GLB1L3: variants seen among roughly 807,000 people sequenced by gnomAD.
GLB1L3 encodes beta-galactosidase-1-like protein 3.
GLB1L3 carries 89 observed loss-of-function variants against 89.5 expected under a neutral mutation model. The observed-to-expected ratio is 0.99, with a 90% CI of 0.84 to 1.19. The LOEUF is 1.19. GLB1L3 is among the 50% of genes most tolerant of loss of function. GLB1L3 has a pLI of 0.00. For synonymous variants in GLB1L3, 314 were observed against 312.3 expected, an observed-to-expected ratio of 1.01 and a Z score of -0.06; for missense variants, 812 against 813.3, an observed-to-expected ratio of 1.00 and a Z score of 0.02.
intron 12 of GLB1L3, 128 bp from the exon 13 acceptor site, chr11:134,310,936 C>G: frequency 1.4e-6 from 1 of 717,794 alleles, no homozygotes; most frequent in South Asian, 1.7e-5. Context: ...TTGTAAAGCT[C>G]TTATACCATG....
intron 11 of GLB1L3, 143 bp downstream of exon 11, chr11:134,309,906 C>G (rs1478610230): frequency 1.1e-6 from 1 of 912,644 alleles, no homozygotes; most frequent in Non-Finnish European, 1.6e-6. Flanking sequence ...ATCTACTTTC[C>G]TTCCTTCTGT....
In GLB1L3 at chr11:134,292,201, C is replaced by T; in HGVS notation, c.799C>T (p.His267Tyr). Residue 267 changes from histidine to tyrosine, a missense_variant, in exon 8 of 20, where the codon CAC (histidine) becomes TAC (tyrosine). His to Tyr is a moderately conservative substitution (Grantham distance 83). Transcript: ENST00000431683. Reference sequence around the variant, plus strand: ...TGGTGAGAAACATGTGCTGAGTGGCCACACCAAAGGAGGTACACATTTAGA... The same window carrying T: ...TGGTGAGAAACATGTGCTGAGTGGCTACACCAAAGGAGGTACACATTTAGA... ...SDGEKHVLSGHTKGVLAAINL... is the reference protein window; with the variant it reads ...SDGEKHVLSGYTKGVLAAINL... The T allele has an allele frequency of 4.3e-6, 7 of 1,612,100 alleles. No homozygotes were observed. Among genetic ancestry groups the T allele is most frequent in the Non-Finnish European group, 5.9e-6 (7 of 1,178,454 alleles).
chr11:134,324,183 A>G (rs1239008614), downstream of GLB1L3, among the ~76,000 whole-genome samples: 5 of 152,204 alleles, frequency 3.3e-5, no homozygotes, highest in South Asian at 2.1e-4. Flanking sequence ...TCGTTAATCT[A>G]CCATACCAAA....
At chr11:134,289,082 A>G (rs988850367) in intron 7 of GLB1L3, 192 bp downstream of exon 7, 7 of 508,360 alleles carry the variant, frequency 1.4e-5, no homozygotes, top group African/African-American at 3.9e-5. Context: ...GACTCCCTCA[A>G]AATTTAGTCA....
chr11:134,307,302 T>A, intron 10 of GLB1L3, 94 bp downstream of exon 10: 2 of 921,286 alleles, frequency 2.2e-6, no homozygotes, highest in South Asian at 1.5e-5. Context: ...ATTCACTTGA[T>A]CAGCCGTAGA....
intron 7 of GLB1L3, among the ~76,000 whole-genome samples, chr11:134,289,419 G>A (rs1204218739): frequency 1.3e-5 from 2 of 151,982 alleles, no homozygotes; most frequent in African/African-American, 4.8e-5. Context: ...ATTGTAACTC[G>A]TATTGAAAAA....
chr11:134,293,450 G>A (rs1007836162), intron 9 of GLB1L3, among the ~76,000 whole-genome samples: 5 of 152,096 alleles, frequency 3.3e-5, no homozygotes, highest in Non-Finnish European at 5.9e-5. Context: ...GGCGAGGGGT[G>A]GTGGGAATCA....
intron 9 of GLB1L3, among the ~76,000 whole-genome samples, chr11:134,300,957 G>A (rs117392808): frequency 0.027 from 4,123 of 152,226 alleles, 78 homozygotes; most frequent in Middle Eastern, 0.065. Context: ...AGACTTGCCC[G>A]GGATTCTCCC....
intron 7 of GLB1L3, 55 bp downstream of exon 7, chr11:134,288,945 G>A (rs1941183240): frequency 3.3e-6 from 4 of 1,228,170 alleles, no homozygotes; most frequent in African/African-American, 1.5e-5. Context: ...TCCTCTGTGC[G>A]TTTCTGATTC....
Position 134,294,919 on chromosome 11 carries a change from G to A in GLB1L3, c.876+1710G>A, listed in dbSNP as rs1265767944. Among the ~76,000 whole-genome samples, 3 of 152,210 alleles carry A rather than the reference G, an allele frequency of 2.0e-5. No homozygotes were observed. The East Asian group carries it at 5.8e-4, about 29-fold the overall frequency. On this transcript the variant is annotated intron_variant, in intron 9 of 19. Transcript: ENST00000431683. ...CGTCCTGCTTTAGTGTGTTAATACA[G>A]TGACTGTGGTTTTTGCATGTTGAAC...
At chr11:134,313,536 G>A in intron 16 of GLB1L3, 62 bp downstream of exon 16, 1 of 1,246,348 alleles carries the variant, frequency 8.0e-7, no homozygotes, top group East Asian at 2.6e-5. Flanking sequence ...CTATGCACTG[G>A]AGTCGGGGGC....
At chr11:134,298,625 C>A (rs1837566) in intron 9 of GLB1L3, among the ~76,000 whole-genome samples, 19,612 of 152,154 alleles carry the variant, frequency 0.13, 1,527 homozygotes, top group Admixed American at 0.24. Flanking sequence ...CTCACGAGAT[C>A]TGATGGGTTT....
rs1265811154 is a variant in GLB1L3 at position 134,309,769 on chromosome 11, T to C, written c.1099+6T>C. On this transcript the variant is annotated splice_donor_region_variant and intron_variant, in intron 11 of 19. Transcript: ENST00000431683. ...GGGCATTGTCACCAGCTATGGCAAG[T>C]GTCGCTGGTGTAGTAGCCTCTCCAG... The C allele has an allele frequency of 1.2e-6, 2 of 1,612,524 alleles. No individual in the cohort carries two copies. Among genetic ancestry groups the C allele is most frequent in the Non-Finnish European group, 1.7e-6 (2 of 1,179,398 alleles).
At chr11:134,279,120 G>A (rs1320827398) in intron 3 of GLB1L3, among the ~76,000 whole-genome samples, 2 of 152,126 alleles carry the variant, frequency 1.3e-5, no homozygotes, top group Non-Finnish European at 2.9e-5. Flanking sequence ...CTCATAAAGT[G>A]AGTAAATCTT....
At chr11:134,312,189 A>G (rs1942764938) in intron 13 of GLB1L3, 160 bp from the exon 14 acceptor site, 1 of 707,856 alleles carries the variant, frequency 1.4e-6, no homozygotes, top group Non-Finnish European at 2.3e-6. Flanking sequence ...TGGGCAGTGG[A>G]GACGTAAGCA....
intron 10 of GLB1L3, among the ~76,000 whole-genome samples, chr11:134,309,354 G>A (rs1302440544): frequency 1.3e-5 from 2 of 152,052 alleles, no homozygotes; most frequent in African/African-American, 4.8e-5. Context: ...TCATCAATAG[G>A]TTCTTGGAAA....
the GLB1L3 span, among the ~76,000 whole-genome samples, chr11:134,325,229 A>G: frequency 6.6e-6 from 1 of 152,192 alleles, no homozygotes; most frequent in African/African-American, 2.4e-5. Context: ...TCAAATGCAT[A>G]CTTGCATTTC....
At chr11:134,296,836 T>TAATAATA (rs1941674769) in intron 9 of GLB1L3, among the ~76,000 whole-genome samples, 7 of 142,408 alleles carry the variant, frequency 4.9e-5, no homozygotes, top group Non-Finnish European at 1.1e-4. Flanking sequence ...AAACTTAAAG[T>TAATAATA]ATAATAATAA....
At chr11:134,324,452 C>A (rs1221641355), downstream of GLB1L3, among the ~76,000 whole-genome samples, 5 of 152,090 alleles carry the variant, frequency 3.3e-5, no homozygotes, top group Non-Finnish European at 4.4e-5. Flanking sequence ...TCCTGAGAAG[C>A]TTTTTATTTA....
Sources: allele counts gnomAD v4.1 joint callset (sites outside exome capture counted in the v4.1 genomes callset), GRCh38; gene constraint gnomAD v4.1.1; transcripts MANE v1.5; gene names NCBI Gene and HGNC (gene_info 2026-07-23, HGNC 2026-07-21).